Variants in HK2 observed in about 807,000 individuals in gnomAD.
HK2 encodes hexokinase-2.
A neutral mutation model predicts 92.9 loss-of-function variants in HK2; 42 were observed. That is an observed-to-expected ratio of 0.45 (90% CI 0.35 to 0.58). HK2 has a LOEUF of 0.58. Among genes scored for constraint, HK2 ranks in the 20% least tolerant of loss-of-function variants. The pLI is 0.00. For missense variants in HK2, 978 were observed against 1,245.1 expected, an observed-to-expected ratio of 0.79 and a Z score of 3.23; for synonymous variants, 422 against 468.0, an observed-to-expected ratio of 0.90 and a Z score of 1.27.
At chr2:74,874,514 G>A (rs1454054386) in intron 7 of HK2, 65 bp downstream of exon 7, 28 of 1,459,178 alleles carry the variant, frequency 1.9e-5, no homozygotes, top group South Asian at 1.4e-4. Flanking sequence ...GGGGCTGGTC[G>A]GGGCCAGGGG....
At chr2:74,882,879 T>G (rs950201924) in intron 12 of HK2, among the ~76,000 whole-genome samples, 1 of 151,890 alleles carries the variant, frequency 6.6e-6, no homozygotes, top group Non-Finnish European at 1.5e-5. Flanking sequence ...CCTGAGGCCC[T>G]TGTTATGGGC....
At chr2:74,878,443 ACGCACATGCGTGTG>A (rs1352928470) in intron 8 of HK2, among the ~76,000 whole-genome samples, 1 of 150,444 alleles carries the variant, frequency 6.6e-6, no homozygotes, top group East Asian at 2.0e-4. Flanking sequence ...GTGTGTGCGC[ACGCACATGCGTGTG>A]CGTGTGTGTG....
At chr2:74,877,723 A>T (rs1383776345) in intron 8 of HK2, among the ~76,000 whole-genome samples, 1 of 152,232 alleles carries the variant, frequency 6.6e-6, no homozygotes, top group African/African-American at 2.4e-5. Context: ...CCCCTGCTTC[A>T]TAATAGAAAG....
chr2:74,861,886 G>A (rs1688838378), intron 2 of HK2, among the ~76,000 whole-genome samples: 1 of 152,206 alleles, frequency 6.6e-6, no homozygotes, highest in Admixed American at 6.5e-5. Flanking sequence ...TTATAACTAT[G>A]CCTTATGAGA....
intron 3 of HK2, among the ~76,000 whole-genome samples, chr2:74,868,815 A>AAGTCTTTTAC (rs1180681850): frequency 4.3e-4 from 66 of 152,316 alleles, no homozygotes; most frequent in African/African-American, 1.5e-3. Flanking sequence ...AAAGACTTGT[A>AAGTCTTTTAC]ACGTGATGGT....
intron 1 of HK2, among the ~76,000 whole-genome samples, chr2:74,835,703 C>T (rs796895323): frequency 3.9e-5 from 6 of 152,226 alleles, no homozygotes; most frequent in African/African-American, 1.2e-4. Flanking sequence ...GCTCCTGGCC[C>T]GGGCCTGGGC....
intron 2 of HK2, among the ~76,000 whole-genome samples, chr2:74,856,174 TG>T (rs148327949): frequency 0.03 from 4,522 of 152,056 alleles, 201 homozygotes; most frequent in African/African-American, 0.1. Context: ...GGGCAGGGCG[TG>T]GGTCAGGGCT....
chr2:74,856,904 G>C (rs1014345161), intron 2 of HK2, among the ~76,000 whole-genome samples: 2 of 152,178 alleles, frequency 1.3e-5, no homozygotes, highest in African/African-American at 4.8e-5. Context: ...AATTTTTTTG[G>C]AACGGAGTTG....
chr2:74,883,976 C>A (rs1286708378), intron 12 of HK2, among the ~76,000 whole-genome samples: 1 of 152,102 alleles, frequency 6.6e-6, no homozygotes, highest in Non-Finnish European at 1.5e-5. Flanking sequence ...AAATGGTAAT[C>A]TCTTTATAAA....
intron 8 of HK2, among the ~76,000 whole-genome samples, chr2:74,877,786 A>G (rs1689270674): frequency 6.6e-6 from 1 of 152,250 alleles, no homozygotes; most frequent in Non-Finnish European, 1.5e-5. Context: ...TCTAATAAGC[A>G]GAGCTGGGGC....
intron 7 of HK2, 114 bp downstream of exon 7, chr2:74,874,563 A>G (rs879359723): frequency 8.0e-6 from 8 of 1,000,668 alleles, no homozygotes; most frequent in African/African-American, 1.6e-5. Context: ...AAGCTTGCCA[A>G]GGTGGCCACT....
chr2:74,860,331 T>G (rs1044003354), intron 2 of HK2, among the ~76,000 whole-genome samples: 2 of 152,016 alleles, frequency 1.3e-5, no homozygotes, highest in African/African-American at 4.8e-5. Flanking sequence ...CCTCATAAAT[T>G]TAAACAACTA....
At chr2:74,852,836 G>C (rs1321216774) in intron 1 of HK2, among the ~76,000 whole-genome samples, 1 of 152,228 alleles carries the variant, frequency 6.6e-6, no homozygotes, top group Non-Finnish European at 1.5e-5. Context: ...TGAGCACAGA[G>C]GCTGCATTAT....
At chr2:74,863,554 C>T (rs143894413) in intron 2 of HK2, among the ~76,000 whole-genome samples, 120 of 152,236 alleles carry the variant, frequency 7.9e-4, no homozygotes, top group African/African-American at 2.6e-3. Context: ...ATGGCGATTC[C>T]GGGTACATGG....
chr2:74,876,984 C>A (rs1689248155), intron 7 of HK2, among the ~76,000 whole-genome samples, 182 bp from the exon 8 acceptor site: 1 of 152,194 alleles, frequency 6.6e-6, no homozygotes, highest in Non-Finnish European at 1.5e-5. Context: ...CATCAGCCTG[C>A]AGGGACAACC....
At chr2:74,862,823 G>A (rs4852347) in intron 2 of HK2, among the ~76,000 whole-genome samples, 28,555 of 152,176 alleles carry the variant, frequency 0.19, 3,090 homozygotes, top group Admixed American at 0.32. Context: ...GTATGTGTGC[G>A]TGTATATGTG....
At chr2:74,847,561 C>G (rs1688471315) in intron 1 of HK2, among the ~76,000 whole-genome samples, 1 of 152,032 alleles carries the variant, frequency 6.6e-6, no homozygotes, top group Admixed American at 6.6e-5. Context: ...GGGTGCATAC[C>G]TATAGTCTTA....
At chr2:74,858,681 C>T (rs1489408910) in intron 2 of HK2, among the ~76,000 whole-genome samples, 3 of 152,208 alleles carry the variant, frequency 2.0e-5, no homozygotes, top group South Asian at 2.1e-4. Context: ...GGTTCATCCC[C>T]ATCACCAGGG....
In HK2 at chr2:74,887,974, G is replaced by A. The variant is rs527493699; in HGVS notation, c.2291G>A (p.Arg764His). The A allele has an allele frequency of 1.1e-4, 183 of 1,614,028 alleles. 3 individuals carry two copies. The South Asian group carries it at 1.6e-3, about 14-fold the overall frequency. The part of the protein sequence containing the change: ...VRNILIDFTK[R>H]GLLFRGRISE... The stretch of plus-strand genomic sequence containing the variant: ...AACATTCTCATCGATTTCACCAAGC[G>A]TGGACTACTCTTCCGAGGCCGCATC... Residue 764 changes from arginine to histidine, a missense_variant, in exon 16 of 18, where the codon CGT (arginine) becomes CAT (histidine). Coordinates refer to ENST00000290573, the MANE Select transcript of HK2 (RefSeq NM_000189.5).
Sources: gnomAD v4.1 joint callset for allele counts (sites outside exome capture counted in the v4.1 genomes callset) on GRCh38, gnomAD v4.1.1 for gene constraint, MANE v1.5 for transcripts, NCBI Gene and HGNC (gene_info 2026-07-23, HGNC 2026-07-21) for gene names.